The following UQCC1 variants were observed in gnomAD, a reference collection of about 807,000 sequenced individuals.
UQCC1 encodes bFGF-repressed Zic-binding protein.
In UQCC1, 38 loss-of-function variants were observed where a neutral mutation model predicts 48.0. The ratio of observed to expected loss-of-function variants is 0.79; its 90% CI spans 0.61 to 1.04. The LOEUF is 1.04. Ranked by LOEUF, UQCC1 falls within the 50% of genes least tolerant of loss-of-function variation. The probability of loss-of-function intolerance (pLI) is 0.00; values close to 1 mark genes in which losing one functional copy is unlikely to be tolerated. For missense variants in UQCC1, 368 were observed against 381.8 expected (o/e 0.96, Z 0.30); for synonymous variants, 111 against 129.2 (o/e 0.86, Z 0.95).
chr20:35,322,369 C>G (rs1206668350), intron 7 of UQCC1, among the ~76,000 whole-genome samples: 1 of 151,978 alleles, frequency 6.6e-6, no homozygotes, highest in Admixed American at 6.5e-5. Flanking sequence ...AACCACAACC[C>G]TGCCCTCGAG....
At chr20:35,349,856 G>A (rs2061471350) in intron 6 of UQCC1, among the ~76,000 whole-genome samples, 1 of 152,100 alleles carries the variant, frequency 6.6e-6, no homozygotes, top group Admixed American at 6.5e-5. Context: ...AATTAGTCAG[G>A]TGCCGTGGTG....
chr20:35,356,182 C>A (rs1348797560), intron 6 of UQCC1, among the ~76,000 whole-genome samples: 1 of 152,212 alleles, frequency 6.6e-6, no homozygotes, highest in Non-Finnish European at 1.5e-5. Context: ...AGCCACCACA[C>A]CAGGCCAACA....
intron 7 of UQCC1, among the ~76,000 whole-genome samples, chr20:35,334,808 G>A (rs1052779046): frequency 1.3e-5 from 2 of 152,166 alleles, no homozygotes; most frequent in African/African-American, 4.8e-5. Flanking sequence ...TAAAAAAACA[G>A]AACACAAGCT....
At chr20:35,411,275 G>A (rs1440586709) in intron 1 of UQCC1, among the ~76,000 whole-genome samples, 1 of 152,144 alleles carries the variant, frequency 6.6e-6, no homozygotes, top group Admixed American at 6.5e-5. Flanking sequence ...TTTCACACAC[G>A]GGTGCTAAAG....
intron 6 of UQCC1, among the ~76,000 whole-genome samples, 170 bp downstream of exon 6, chr20:35,366,387 C>A (rs2061666470): frequency 6.6e-6 from 1 of 152,170 alleles, no homozygotes; most frequent in Non-Finnish European, 1.5e-5. Flanking sequence ...TATGCTTTGA[C>A]CTTTAATAAA....
intron 7 of UQCC1, among the ~76,000 whole-genome samples, chr20:35,332,667 A>AAAATGGT (rs1192226358): frequency 1.3e-5 from 2 of 152,218 alleles, no homozygotes; most frequent in Non-Finnish European, 2.9e-5. Flanking sequence ...CCCACACCAG[A>AAAATGGT]CAGGTTACAA....
chr20:35,354,062 G>T (rs2061519440), intron 6 of UQCC1, among the ~76,000 whole-genome samples: 3 of 151,962 alleles, frequency 2.0e-5, no homozygotes, highest in African/African-American at 7.3e-5. Context: ...TATAGCCTAG[G>T]AGCCATAGGT....
At chr20:35,404,671 AAAG>A (rs1473584276) in intron 1 of UQCC1, among the ~76,000 whole-genome samples, 2 of 151,908 alleles carry the variant, frequency 1.3e-5, no homozygotes, top group Non-Finnish European at 2.9e-5. Context: ...TATAAAAAAA[AAAG>A]AAGCTTGACT....
Position 35,383,759 on chromosome 20 carries a change from G to A in UQCC1, c.225+279C>T, listed in dbSNP as rs138281092. On this transcript the variant is annotated intron_variant, in intron 3 of 9. Transcript: ENST00000374385. ...TCAGCTATTCAGAAGGCTGAGGCAG[G>A]AGGATAGCTCGAGCTTGGGAGTTCG... 7.6e-4 allele frequency among the ~76,000 whole-genome samples: 115 copies of A among 152,272 alleles called. 1 individual carries two copies. The highest frequency in any genetic ancestry group is 6.5e-3 in the Admixed American group (99 of 15,286).
chr20:35,315,689 G>C (rs184309404), intron 7 of UQCC1, among the ~76,000 whole-genome samples: 1 of 152,178 alleles, frequency 6.6e-6, no homozygotes, highest in Non-Finnish European at 1.5e-5. Flanking sequence ...AGGAGTTTGA[G>C]ACCAGCCTGG....
intron 6 of UQCC1, among the ~76,000 whole-genome samples, chr20:35,359,919 C>CT (rs1490375586): frequency 3.9e-5 from 6 of 152,244 alleles, no homozygotes; most frequent in African/African-American, 1.4e-4. Flanking sequence ...ACTATGAAGC[C>CT]TAACCCTTCT....
chr20:35,321,283 T>TGTGTGTGTGTGTGCGC lies in UQCC1; in HGVS notation c.574-6519_574-6518insGCGCACACACACACAC, dbSNP rs1389196330. On this transcript the variant is annotated intron_variant, in intron 7 of 9. Coordinates refer to ENST00000374385, the MANE Select transcript of UQCC1 (RefSeq NM_018244.5). ...GTGTGTGTGTGTGTGTGTGTGTGTG[T>TGTGTGTGTGTGTGCGC]GCGCGCGCGCGCGCGCACGCTCAGG... Among the ~76,000 whole-genome samples, 463 of 141,550 alleles carry TGTGTGTGTGTGTGCGC rather than the reference T, an allele frequency of 3.3e-3. 2 individuals carry two copies. Among genetic ancestry groups the TGTGTGTGTGTGTGCGC allele is most frequent in the African/African-American group, 0.013 (432 of 34,546 alleles). 92.9% of individuals were successfully genotyped at this position (141,550 alleles called of 152,430 possible). A position where few individuals can be genotyped will look rare whatever the true frequency, so the allele number is the denominator to read the frequency against.
chr20:35,403,419 T>C (rs954943595), intron 1 of UQCC1, among the ~76,000 whole-genome samples: 5 of 152,160 alleles, frequency 3.3e-5, no homozygotes, highest in African/African-American at 1.2e-4. Context: ...TAAGCACATG[T>C]AGCACCCAGA....
chr20:35,400,496 T>C (rs1305028428), intron 1 of UQCC1, among the ~76,000 whole-genome samples: 1 of 150,816 alleles, frequency 6.6e-6, no homozygotes, highest in Non-Finnish European at 1.5e-5. Context: ...AAAAAATTTT[T>C]TTCTTTTTTT....
chr20:35,310,782 T>C, intron 8 of UQCC1, among the ~76,000 whole-genome samples: 1 of 129,206 alleles, frequency 7.7e-6, no homozygotes, highest in Admixed American at 8.3e-5. Context: ...AAGCTCCACC[T>C]CCTGGGTTCA....
chr20:35,347,312 AT>A, intron 6 of UQCC1, 40 bp from the exon 7 acceptor site: 2 of 1,608,580 alleles, frequency 1.2e-6, no homozygotes, highest in Non-Finnish European at 8.5e-7. Context: ...GGCTGTTTGC[AT>A]TTTTCACATC....
intron 8 of UQCC1, among the ~76,000 whole-genome samples, chr20:35,309,806 C>T (rs1351168958): frequency 6.6e-6 from 1 of 152,214 alleles, no homozygotes; most frequent in Non-Finnish European, 1.5e-5. Context: ...GATTTGACAT[C>T]ACTATGTGCT....
At chr20:35,340,855 G>T (rs2061369287) in intron 7 of UQCC1, among the ~76,000 whole-genome samples, 1 of 151,046 alleles carries the variant, frequency 6.6e-6, no homozygotes, top group Admixed American at 6.6e-5. Context: ...GTGACAGGTG[G>T]TGATTACAGA....
intron 7 of UQCC1, among the ~76,000 whole-genome samples, chr20:35,322,422 C>G (rs1435090833): frequency 6.6e-6 from 1 of 152,112 alleles, no homozygotes; most frequent in Non-Finnish European, 1.5e-5. Context: ...ATTCTATAAA[C>G]AAGGAAACAG....
Sources: gnomAD v4.1 joint callset for allele counts (sites outside exome capture counted in the v4.1 genomes callset) on GRCh38, gnomAD v4.1.1 for gene constraint, MANE v1.5 for transcripts, NCBI Gene and HGNC (gene_info 2026-07-23, HGNC 2026-07-21) for gene names.